NOMO3: variants seen among roughly 807,000 people sequenced by gnomAD.
NOMO3 encodes the protein NODAL modulator 3.
In NOMO3, 15 loss-of-function variants were observed where a neutral mutation model predicts 69.9. The observed-to-expected ratio is 0.21, with a 90% CI of 0.14 to 0.33. The LOEUF is 0.33. Among genes scored for constraint, NOMO3 ranks in the 10% least tolerant of loss-of-function variants. The pLI, the probability that NOMO3 is intolerant of heterozygous loss-of-function variation, is 1.00. For missense variants in NOMO3, 218 were observed against 761.0 expected (o/e 0.29, Z 8.39); for synonymous variants, 89 against 301.9 (o/e 0.29, Z 7.31).
chr16:16,260,653 C>T (rs1210900376), intron 11 of NOMO3, among the ~76,000 whole-genome samples: 1 of 141,870 alleles, frequency 7.0e-6, no homozygotes, highest in Non-Finnish European at 1.5e-5. Flanking sequence ...TCAGAAGTAA[C>T]TAATTTTTAT....
chr16:16,235,633 C>G (rs1477278549), intron 1 of NOMO3, among the ~76,000 whole-genome samples: 1 of 144,630 alleles, frequency 6.9e-6, no homozygotes, highest in Non-Finnish European at 1.5e-5. Flanking sequence ...CCTCCTGCCT[C>G]GGCCTCCTGA....
rs2049562069 is a variant in NOMO3 at position 16,261,170 on chromosome 16, C to T, written c.1221-332C>T. 8.7e-6 allele frequency: 3 copies of T among 345,048 alleles called. No homozygotes were observed. The South Asian group carries it at 9.4e-5, about 11-fold the overall frequency. 21.4% of individuals were successfully genotyped at this position (345,048 alleles called of 1,614,324 possible). ...CGCTCTGCTGTCAACGATCCAATTA[C>T]CTGAAACGTTTTTATTATCTGCAGA... On this transcript the variant is annotated intron_variant, in intron 11 of 30. Coordinates refer to ENST00000399336, the MANE Select transcript of NOMO3 (RefSeq NM_001004067.4).
In NOMO3 at chr16:16,243,650, G is replaced by A. The variant is rs1295526151; in HGVS notation, c.402+389G>A. On this transcript the variant is annotated intron_variant, in intron 4 of 30. Coordinates refer to ENST00000399336, the MANE Select transcript of NOMO3 (RefSeq NM_001004067.4). ...CACCCTCCCGCTCCTTCACCCTCCCGAGTAGCTAGGATTACAAGTGTGTGC... is the reference window on the plus strand; with the variant it reads ...CACCCTCCCGCTCCTTCACCCTCCCAAGTAGCTAGGATTACAAGTGTGTGC... Among the ~76,000 whole-genome samples the A allele has an allele frequency of 2.9e-5, 4 of 139,396 alleles. 1 individual carries two copies. The highest frequency in any genetic ancestry group is 4.5e-5 in the Non-Finnish European group (3 of 66,528). 91.4% of individuals were successfully genotyped at this position (139,396 alleles called of 152,430 possible).
chr16:16,262,775 TG>T (rs1481818664), intron 12 of NOMO3, among the ~76,000 whole-genome samples: 1 of 140,068 alleles, frequency 7.1e-6, no homozygotes, highest in Non-Finnish European at 1.5e-5. Context: ...GGATGTAGTA[TG>T]GTTTCTAGTA....
chr16:16,237,027 C>A, intron 2 of NOMO3, 37 bp downstream of exon 2: 1 of 1,587,006 alleles, frequency 6.3e-7, no homozygotes, highest in Non-Finnish European at 8.5e-7. Flanking sequence ...GATGGGAAGT[C>A]ACTAGTGTGC....
chr16:16,235,879 C>T (rs1002492898), intron 1 of NOMO3: 1 of 440,634 alleles, frequency 2.3e-6, no homozygotes, highest in South Asian at 1.6e-5. Context: ...ATCTGTACAA[C>T]CACATGAAAA....
rs994604165 is a variant in NOMO3 at position 16,257,774 on chromosome 16, C to G, written c.1220+1616C>G. 2.1e-5 allele frequency among the ~76,000 whole-genome samples: 3 copies of G among 143,608 alleles called. 1 individual carries two copies. Among genetic ancestry groups the G allele is most frequent in the African/African-American group, 5.7e-5 (2 of 34,948 alleles). The allele number at this position is 143,608 out of a possible 152,430, so 94.2% of individuals were successfully genotyped here. ...TCCCCTGGCTTGATCACTGAGGAGG[C>G]CACAGTGACTCTTTTCTGTAGACAG... On this transcript the variant is annotated intron_variant, in intron 11 of 30. Coordinates refer to ENST00000399336, the MANE Select transcript of NOMO3 (RefSeq NM_001004067.4).
In NOMO3 at chr16:16,263,210, GT is replaced by G; in HGVS notation, c.1535del (p.Leu512TrpfsTer9). On this transcript the variant is annotated frameshift_variant, in exon 13 of 31. Coordinates refer to ENST00000399336, the MANE Select transcript of NOMO3 (RefSeq NM_001004067.4). LOFTEE classifies it high-confidence loss of function. ...FLASVSGKVS[C>X]LDTCGDLLVT... ...GCATCAGTTTCTGGGAAAGTCTCTT[GT>G]TTGGGTAAGATATCACTGGAAAGTA... The G allele has an allele frequency of 6.3e-7, 1 of 1,594,000 alleles. No individual in the cohort carries two copies. Among genetic ancestry groups the G allele is most frequent in the African/African-American group, 1.5e-5 (1 of 65,574 alleles).
intron 1 of NOMO3, among the ~76,000 whole-genome samples, chr16:16,235,556 G>C (rs1354494856): frequency 6.8e-6 from 1 of 146,480 alleles, no homozygotes. Flanking sequence ...TCACACTGTT[G>C]CTCAGGCTGG....
intron 5 of NOMO3, among the ~76,000 whole-genome samples, chr16:16,246,031 G>GA (rs1435939633): frequency 9.6e-6 from 1 of 103,846 alleles, no homozygotes; most frequent in Non-Finnish European, 1.8e-5. Flanking sequence ...GTTATGATTA[G>GA]AAAAAATCAT....
chr16:16,270,270 T>C, intron 17 of NOMO3, 86 bp downstream of exon 17: 1 of 1,584,074 alleles, frequency 6.3e-7, no homozygotes, highest in Non-Finnish European at 8.5e-7. Context: ...AAAGGAGTTT[T>C]TCTGTTTTTT....
rs532791581 is a variant in NOMO3, at chr16:16,265,317, C to T, written c.1806+138C>T. 6.2e-5 allele frequency: 95 copies of T among 1,531,104 alleles called. 5 individuals are homozygous for T. The highest frequency in any genetic ancestry group is 5.6e-5 in the Non-Finnish European group (64 of 1,141,566). 94.8% of individuals were successfully genotyped at this position (1,531,104 alleles called of 1,614,324 possible). On this transcript the variant is annotated intron_variant, in intron 15 of 30. Coordinates refer to ENST00000399336, the MANE Select transcript of NOMO3 (RefSeq NM_001004067.4). ...TGCCTCTGCACTCACCCACCTGTTA[C>T]GCAACGCATAATCAGGAAGCATTTA...
At chr16:16,267,747 A>G (rs1567566958) in intron 16 of NOMO3, among the ~76,000 whole-genome samples, 2 of 143,388 alleles carry the variant, frequency 1.4e-5, no homozygotes, top group South Asian at 2.2e-4. Flanking sequence ...TCTCTCTTTT[A>G]TAATGGCTTT....
At chr16:16,237,351 A>G (rs1459985063) in intron 2 of NOMO3, among the ~76,000 whole-genome samples, 1 of 144,518 alleles carries the variant, frequency 6.9e-6, no homozygotes, top group Non-Finnish European at 1.5e-5. Flanking sequence ...CTCTGATTTC[A>G]TGGAACCCGT....
intron 2 of NOMO3, among the ~76,000 whole-genome samples, chr16:16,237,243 G>C (rs2049333960): frequency 6.9e-6 from 1 of 144,768 alleles, no homozygotes; most frequent in Non-Finnish European, 1.5e-5. Context: ...GTGGCTGTGC[G>C]CTACAGTCAC....
intron 3 of NOMO3, among the ~76,000 whole-genome samples, chr16:16,242,484 G>A (rs2049381773): frequency 7.0e-6 from 1 of 142,438 alleles, no homozygotes; most frequent in Admixed American, 6.8e-5. Flanking sequence ...CATGGTAGTG[G>A]TTGGCAGACT....
In NOMO3 at chr16:16,270,190, C is replaced by T. The variant is rs755900989; in HGVS notation, c.1958+6C>T. Reference sequence around the variant, plus strand: ...GCGTTCTACACCTATGACACGTAAGCCTGGGAATTGAATGCTTTGTGGTGT... The same window carrying T: ...GCGTTCTACACCTATGACACGTAAGTCTGGGAATTGAATGCTTTGTGGTGT... On this transcript the variant is annotated splice_donor_region_variant and intron_variant, in intron 17 of 30. Coordinates refer to ENST00000399336, the MANE Select transcript of NOMO3 (RefSeq NM_001004067.4). 3 of 1,559,544 alleles carry T rather than the reference C, an allele frequency of 1.9e-6. No individual in the cohort carries two copies. The highest frequency in any genetic ancestry group is 2.6e-6 in the Non-Finnish European group (3 of 1,162,974).
At chr16:16,263,690 T>A in intron 14 of NOMO3, 46 bp downstream of exon 14, 1 of 501,420 alleles carries the variant, frequency 2.0e-6, no homozygotes, top group Non-Finnish European at 3.3e-6. Context: ...ACACTTCTTG[T>A]CTTTGTAAAC....
rs1279480307 is a variant in NOMO3, at chr16:16,263,560, G to C, written c.1585G>C (p.Gly529Arg). ...GACTCTACAGTCCCTGAGCCGCCAG[G>C]GTGAGAAGCGGAGCCTCCAGCTCTC... ...LVTLQSLSRQ[G>R]EKRSLQLSGK... Residue 529 changes from glycine (G) to arginine (R), a missense_variant, in exon 14 of 31, where the codon GGT (glycine) becomes CGT (arginine). Coordinates refer to ENST00000399336, the MANE Select transcript of NOMO3 (RefSeq NM_001004067.4). The C allele has an allele frequency of 9.8e-6, 10 of 1,019,286 alleles. No individual in the cohort carries two copies. Among genetic ancestry groups the C allele is most frequent in the Non-Finnish European group, 1.2e-5 (9 of 735,578 alleles). 63.1% of individuals were successfully genotyped at this position (1,019,286 alleles called of 1,614,324 possible).
Sources: allele counts gnomAD v4.1 joint callset (sites outside exome capture counted in the v4.1 genomes callset), GRCh38; gene constraint gnomAD v4.1.1; transcripts MANE v1.5; gene names NCBI Gene and HGNC (gene_info 2026-07-23, HGNC 2026-07-21).